The following HEPH variants were observed in gnomAD, a reference collection of about 807,000 sequenced individuals.
The protein encoded by HEPH is hephaestin.
HEPH carries 69 observed loss-of-function variants against 80.8 expected under a neutral mutation model. The observed-to-expected ratio is 0.85, with a 90% confidence interval of 0.70 to 1.04. The LOEUF is 1.04. HEPH is among the 50% of genes least tolerant of loss of function. The pLI is 0.00. For missense variants in HEPH, 1,115 were observed against 891.3 expected (o/e 1.25, Z -3.20); for synonymous variants, 431 against 322.8 (o/e 1.34, Z -3.60).
chrX:66,228,562 G>A, intron 15 of HEPH, among the ~76,000 whole-genome samples: 2 of 112,493 alleles, frequency 1.8e-5, no homozygotes, highest in Middle Eastern at 9.3e-3. Context: ...TTACTGCACA[G>A]CAAAAGAAAT....
chrX:66,246,826 C>T (rs2090828538), intron 15 of HEPH, among the ~76,000 whole-genome samples: 1 of 112,039 alleles, frequency 8.9e-6, no homozygotes, highest in Admixed American at 9.4e-5. Flanking sequence ...GCCTTCAGGG[C>T]CAGTGTTTAT....
At chrX:66,261,063 C>T (rs1055097439) in intron 19 of HEPH, among the ~76,000 whole-genome samples, 5 of 112,190 alleles carry the variant, frequency 4.5e-5, no homozygotes, top group Non-Finnish European at 9.4e-5. Context: ...AGGCATAAGG[C>T]ACTGAACCTG....
chrX:66,252,667 A>G (rs2091044639), intron 15 of HEPH, among the ~76,000 whole-genome samples: 1 of 112,330 alleles, frequency 8.9e-6, no homozygotes, highest in African/African-American at 3.2e-5. Flanking sequence ...AAAAAAGAAC[A>G]ACAAAGTTGG....
intron 15 of HEPH, among the ~76,000 whole-genome samples, chrX:66,246,579 A>T (rs756810106): frequency 4.9e-4 from 54 of 110,767 alleles, no homozygotes; most frequent in African/African-American, 1.7e-3. Flanking sequence ...TCAGTCTAGA[A>T]GCATGGTGGG....
At chrX:66,237,873 G>T (rs756391484) in intron 15 of HEPH, among the ~76,000 whole-genome samples, 2 of 112,347 alleles carry the variant, frequency 1.8e-5, no homozygotes, top group African/African-American at 3.2e-5. Context: ...TTGCTATTAT[G>T]TAATACCTTT....
chrX:66,212,915 G>A (rs940364295), intron 15 of HEPH, among the ~76,000 whole-genome samples: 10 of 109,851 alleles, frequency 9.1e-5, no homozygotes, highest in Non-Finnish European at 1.7e-4. Flanking sequence ...GATTGCTTTG[G>A]ACAATATGGT....
At position 66,201,834 on chromosome X, in the gene HEPH, C is replaced by T. The variant is rs377228009; in HGVS notation, c.2077+1082C>T. ...GTGAGAGAAGCTTGTGGCTTGGACT[C>T]GGGAAGTGGCAGTTTAAACGAAAAA... is the stretch of plus-strand genomic sequence containing the variant. On this transcript the variant is annotated intron_variant, in intron 12 of 20. Coordinates refer to ENST00000343002, the MANE Select transcript of HEPH (RefSeq NM_001367233.3). Among the ~76,000 whole-genome samples the T allele has an allele frequency of 3.6e-5, 4 of 111,862 alleles. No homozygotes were observed. The East Asian group carries it at 8.4e-4, about 23-fold the overall frequency.
chrX:66,268,506 TAAC>T (rs1231788485), downstream of HEPH: 1 of 111,846 alleles, frequency 8.9e-6, no homozygotes, highest in Non-Finnish European at 1.9e-5. Flanking sequence ...ATCAATGATT[TAAC>T]AGCAGCAGAA....
At chrX:66,191,184 T>C (rs893671855) in intron 6 of HEPH, among the ~76,000 whole-genome samples, 2 of 111,801 alleles carry the variant, frequency 1.8e-5, no homozygotes, top group Non-Finnish European at 3.8e-5. Flanking sequence ...CACCTCTGAC[T>C]AGCTGTGCAA....
At chrX:66,260,359 G>T (rs2091320854) in intron 19 of HEPH, 97 bp downstream of exon 19, 1 of 681,032 alleles carries the variant, frequency 1.5e-6, no homozygotes, top group African/African-American at 2.1e-5. Flanking sequence ...GTCTCCTTCT[G>T]ATCCCACAAT....
At chrX:66,264,923 A>T (rs895160269) in intron 20 of HEPH, among the ~76,000 whole-genome samples, 1 of 108,367 alleles carries the variant, frequency 9.2e-6, no homozygotes, top group African/African-American at 3.3e-5. Context: ...ATATACATAC[A>T]TATTTTGTGT....
In HEPH at chrX:66,207,296, G is replaced by T. The variant is rs758208170; in HGVS notation, c.2393G>T (p.Arg798Leu). The T allele has an allele frequency of 8.3e-7, 1 of 1,200,429 alleles. No individual in the cohort carries two copies. The highest frequency in any genetic ancestry group is 1.1e-6 in the Non-Finnish European group (1 of 889,200). The change falls in exon 14 of 21, where the codon CGG becomes CTG. Residue 798 changes from arginine to leucine, a missense_variant. Around this residue, in one of 3 missense-constraint regions of HEPH, gnomAD observed 716 missense variants for 523.5 expected, o/e 1.37. Transcript: ENST00000343002. ...EYTDGTFRIP[R>L]PRTGPEEHLG... Reference sequence around the variant, plus strand: ...ACTGATGGTACATTCAGGATCCCTCGGCCAAGGACTGGACCAGAAGAACAC... The same window carrying T: ...ACTGATGGTACATTCAGGATCCCTCTGCCAAGGACTGGACCAGAAGAACAC...
intron 15 of HEPH, among the ~76,000 whole-genome samples, chrX:66,209,813 G>C (rs1172635134): frequency 1.8e-5 from 2 of 111,701 alleles, no homozygotes; most frequent in Non-Finnish European, 3.8e-5. Context: ...GGTGACTTGA[G>C]ATGGAGTGGG....
chrX:66,169,474 A>G (rs2086496363), intron 1 of HEPH, among the ~76,000 whole-genome samples: 1 of 111,521 alleles, frequency 9.0e-6, no homozygotes, highest in Non-Finnish European at 1.9e-5. Context: ...TCCTAGTCCC[A>G]GGAAGTCTAA....
chrX:66,249,793 C>T (rs2090941490), intron 15 of HEPH, among the ~76,000 whole-genome samples: 1 of 111,382 alleles, frequency 9.0e-6, no homozygotes, highest in South Asian at 3.8e-4. Flanking sequence ...TGGAGAGATT[C>T]CCAACAATTT....
rs199833924 is a variant in HEPH at position 66,188,556 on chromosome X, G to T, written c.808+15G>T. On this transcript the variant is annotated intron_variant, in intron 5 of 20. Coordinates refer to ENST00000343002, the MANE Select transcript of HEPH (RefSeq NM_001367233.3). ...TAGGATGCATGGTGAGTTGGGAAAA[G>T]GTGGCCACATTGTGACAGGGAACAT... 60 of 1,187,569 alleles carry T rather than the reference G, an allele frequency of 5.1e-5. No individual in the cohort carries two copies. The African/African-American group carries it at 7.9e-4, about 16-fold the overall frequency.
chrX:66,196,678 C>T (rs1228213418), intron 9 of HEPH, among the ~76,000 whole-genome samples: 1 of 111,940 alleles, frequency 8.9e-6, no homozygotes, highest in Non-Finnish European at 1.9e-5. Flanking sequence ...CTGAGGAGGA[C>T]TCCTTTTCTT....
Position 66,200,696 on chromosome X carries a change from C to T in HEPH, c.2021C>T (p.Ala674Val). 1.7e-6 allele frequency: 2 copies of T among 1,211,277 alleles called. No homozygotes were observed. The highest frequency in any genetic ancestry group is 2.2e-6 in the Non-Finnish European group (2 of 895,310). Residue 674 changes from alanine (A) to valine (V), a missense_variant, in exon 12 of 21, where the codon GCA becomes GTA. Transcript: ENST00000343002. ...TVQLQGMRKG[A>V]AMLFPHTFVM... The stretch of plus-strand genomic sequence containing the variant: ...CAGCTTCAGGGCATGAGGAAGGGTG[C>T]AGCTATGCTCTTTCCTCATACCTTT...
chrX:66,234,382 T>A (rs1480658625), intron 15 of HEPH, among the ~76,000 whole-genome samples: 10 of 111,916 alleles, frequency 8.9e-5, no homozygotes, highest in Non-Finnish European at 1.7e-4. Flanking sequence ...ATGAACATAT[T>A]CATTCATGTC....
Sources: gnomAD v4.1 joint callset for allele counts (sites outside exome capture counted in the v4.1 genomes callset) on GRCh38, gnomAD v4.1.1 for gene constraint, gnomAD v4.1.1 regional missense constraint, MANE v1.5 for transcripts, NCBI Gene and HGNC (gene_info 2026-07-23, HGNC 2026-07-21) for gene names.